MARCHF1: variants seen among roughly 807,000 people sequenced by gnomAD.
MARCHF1 encodes the protein E3 ubiquitin-protein ligase MARCHF1.
In MARCHF1, 40 loss-of-function variants were observed where a neutral mutation model predicts 54.2. The ratio of observed to expected loss-of-function variants is 0.74; its 90% CI spans 0.57 to 0.96. MARCHF1 has a LOEUF of 0.96. MARCHF1 is among the 40% of genes least tolerant of loss of function. MARCHF1 has a pLI of 0.00. For synonymous variants in MARCHF1, 236 were observed against 236.3 expected (o/e 1.00, Z 0.01); for missense variants, 586 against 656.5 (o/e 0.89, Z 1.17).
intron 2 of MARCHF1, among the ~76,000 whole-genome samples, chr4:164,070,645 A>G (rs1025974693): frequency 6.6e-6 from 1 of 152,154 alleles, no homozygotes; most frequent in African/African-American, 2.4e-5. Flanking sequence ...CTATAATTCT[A>G]TAGGTTATTC....
rs534912201 is a variant in MARCHF1 at position 164,264,336 on chromosome 4, G to A, written c.-323+119534C>T. Among the ~76,000 whole-genome samples the A allele has an allele frequency of 3.9e-5, 6 of 152,150 alleles. No homozygotes were observed. The East Asian group carries it at 1.2e-3, about 29-fold the overall frequency. ...AAACAGACACTGGGGTCTACATGAGGGTGGAGTGTGAGAAAAGGAAGAGAA... is the reference window on the plus strand; with the variant it reads ...AAACAGACACTGGGGTCTACATGAGAGTGGAGTGTGAGAAAAGGAAGAGAA... On this transcript the variant is annotated intron_variant, in intron 1 of 9. Coordinates refer to ENST00000514618, the MANE Select transcript of MARCHF1 (RefSeq NM_001394959.1).
At chr4:163,894,235 C>A (rs1315862222) in intron 3 of MARCHF1, among the ~76,000 whole-genome samples, 3 of 151,954 alleles carry the variant, frequency 2.0e-5, no homozygotes, top group African/African-American at 7.3e-5. Context: ...ATCAGTTTGG[C>A]AATTTTCCTC....
At chr4:164,207,149 G>A (rs1215245459) in intron 1 of MARCHF1, among the ~76,000 whole-genome samples, 1 of 152,160 alleles carries the variant, frequency 6.6e-6, no homozygotes, top group Non-Finnish European at 1.5e-5. Context: ...TTATTAAGAA[G>A]TGAAGAGTAG....
At chr4:164,041,076 A>G (rs925666111) in intron 2 of MARCHF1, among the ~76,000 whole-genome samples, 1 of 152,166 alleles carries the variant, frequency 6.6e-6, no homozygotes, top group African/African-American at 2.4e-5. Context: ...ATGGAATCAT[A>G]ATATAACAAA....
chr4:164,078,655 T>C (rs573719403), intron 2 of MARCHF1, among the ~76,000 whole-genome samples: 25 of 152,296 alleles, frequency 1.6e-4, no homozygotes, highest in African/African-American at 6.0e-4. Flanking sequence ...AAGAACTACA[T>C]AGAACTTCTA....
chr4:163,817,287 G>GTATACA (rs1217272534), intron 4 of MARCHF1, among the ~76,000 whole-genome samples: 2 of 147,520 alleles, frequency 1.4e-5, no homozygotes, highest in Admixed American at 1.3e-4. Context: ...GTGTTTGTGT[G>GTATACA]TATACATATA....
At chr4:164,160,644 A>G (rs1210168018) in intron 1 of MARCHF1, among the ~76,000 whole-genome samples, 1 of 152,212 alleles carries the variant, frequency 6.6e-6, no homozygotes, top group Non-Finnish European at 1.5e-5. Flanking sequence ...TGCTGCTTTT[A>G]AAATAAGAGG....
chr4:163,826,179 T>A (rs753928526), intron 4 of MARCHF1, among the ~76,000 whole-genome samples: 6 of 152,086 alleles, frequency 3.9e-5, no homozygotes, highest in Admixed American at 6.6e-5. Flanking sequence ...ATTTACCTAG[T>A]ATAATTTATT....
intron 1 of MARCHF1, among the ~76,000 whole-genome samples, chr4:164,263,129 T>G (rs1441937628): frequency 4.6e-5 from 7 of 150,760 alleles, no homozygotes; most frequent in Non-Finnish European, 1.0e-4. Flanking sequence ...GGTACATGTG[T>G]GTACGCGTGC....
In MARCHF1 at chr4:163,524,925, G is replaced by A. The variant is rs1454108540; in HGVS notation, c.*3823C>T. On this transcript the variant is annotated 3_prime_UTR_variant, in exon 10 of 10. Transcript: ENST00000514618. ...CTTCTTTGTTTTAATGCAGTATCCA[G>A]TTTCAAAATGGGCTTTCTTTAGATG... The A allele has an allele frequency of 6.6e-6, 1 of 152,134 alleles. No homozygotes were observed. Among genetic ancestry groups the A allele is most frequent in the Non-Finnish European group, 1.5e-5 (1 of 68,030 alleles). The allele number at this position is 152,134 out of a possible 1,614,324, so 9.4% of individuals were successfully genotyped here. A position where few individuals can be genotyped will look rare whatever the true frequency, so the allele number is the denominator to read the frequency against.
chr4:164,064,829 C>T (rs1754693162), intron 2 of MARCHF1, among the ~76,000 whole-genome samples: 2 of 152,096 alleles, frequency 1.3e-5, no homozygotes, highest in Admixed American at 6.5e-5. Flanking sequence ...TCCTTTAATA[C>T]ATAGTTTATT....
chr4:163,738,217 A>G (rs903156658), intron 4 of MARCHF1, among the ~76,000 whole-genome samples: 18 of 152,164 alleles, frequency 1.2e-4, no homozygotes, highest in African/African-American at 4.1e-4. Context: ...AATGTAGAGG[A>G]CACATTTTAA....
At chr4:163,735,931 C>G (rs1746022699) in intron 4 of MARCHF1, among the ~76,000 whole-genome samples, 1 of 152,048 alleles carries the variant, frequency 6.6e-6, no homozygotes, top group Admixed American at 6.6e-5. Flanking sequence ...ACAGATAGTA[C>G]CAAATCCTAT....
At chr4:164,198,377 G>A (rs1183843710) in intron 1 of MARCHF1, among the ~76,000 whole-genome samples, 1 of 152,138 alleles carries the variant, frequency 6.6e-6, no homozygotes, top group Non-Finnish European at 1.5e-5. Flanking sequence ...TAAAATTTGA[G>A]TGGCATGTAT....
chr4:163,972,639 TG>T (rs1288297080), intron 3 of MARCHF1, among the ~76,000 whole-genome samples: 4 of 151,904 alleles, frequency 2.6e-5, no homozygotes, highest in African/African-American at 4.8e-5. Flanking sequence ...CTCCACCTCC[TG>T]GGTTCACGCC....
chr4:163,700,704 C>T, intron 5 of MARCHF1, 109 bp downstream of exon 5: 2 of 805,216 alleles, frequency 2.5e-6, no homozygotes, highest in Non-Finnish European at 4.0e-6. Context: ...GAACAAATCA[C>T]ATTTGTGTTC....
chr4:164,098,399 G>A (rs1441959828), intron 2 of MARCHF1, among the ~76,000 whole-genome samples: 1 of 152,160 alleles, frequency 6.6e-6, no homozygotes, highest in East Asian at 1.9e-4. Flanking sequence ...AGATCACCAG[G>A]AAGTGCTTGT....
rs146381621 is a variant in MARCHF1, at chr4:163,891,814, A to G, written c.-38-37645T>C. Among the ~76,000 whole-genome samples the G allele has an allele frequency of 2.2e-3, 330 of 152,296 alleles. 3 individuals are homozygous for G. Among genetic ancestry groups the G allele is most frequent in the African/African-American group, 7.7e-3 (318 of 41,560 alleles). ...TGGACTTTTCTTTCTTTCTTTTTTAATACATAATCCATGATGCTCATCTTT... is the reference window on the plus strand; with the variant it reads ...TGGACTTTTCTTTCTTTCTTTTTTAGTACATAATCCATGATGCTCATCTTT... On this transcript the variant is annotated intron_variant, in intron 3 of 9. Transcript: ENST00000514618.
intron 1 of MARCHF1, chr4:164,329,832 C>G: frequency 6.6e-6 from 1 of 152,336 alleles, no homozygotes; most frequent in African/African-American, 2.4e-5. Flanking sequence ...ATGGCCCAAG[C>G]CATTCACCAG....
Sources: allele counts gnomAD v4.1 joint callset (sites outside exome capture counted in the v4.1 genomes callset), GRCh38; gene constraint gnomAD v4.1.1; transcripts MANE v1.5; gene names NCBI Gene and HGNC (gene_info 2026-07-23, HGNC 2026-07-21).